GALNT7: variants seen among roughly 807,000 people sequenced by gnomAD.
GALNT7 encodes N-acetylgalactosaminyltransferase 7.
A neutral mutation model predicts 82.1 loss-of-function variants in GALNT7; 60 were observed. That is an observed-to-expected ratio of 0.73 (90% CI 0.59 to 0.91). The LOEUF is 0.91. Among genes scored for constraint, GALNT7 ranks in the 40% least tolerant of loss-of-function variants. GALNT7 has a pLI of 0.00. For missense variants in GALNT7, 660 were observed against 804.2 expected, an observed-to-expected ratio of 0.82 and a Z score of 2.17; for synonymous variants, 243 against 275.1, an observed-to-expected ratio of 0.88 and a Z score of 1.15.
At chr4:173,176,066 C>A (rs959476693) in intron 1 of GALNT7, among the ~76,000 whole-genome samples, 1 of 150,410 alleles carries the variant, frequency 6.6e-6, no homozygotes, top group Admixed American at 6.6e-5. Flanking sequence ...AAACGAGACT[C>A]CATCTCAAAA....
chr4:173,241,946 A>C (rs1316178280), intron 1 of GALNT7, among the ~76,000 whole-genome samples: 2 of 152,302 alleles, frequency 1.3e-5, no homozygotes, highest in East Asian at 3.9e-4. Flanking sequence ...TTGAGATAAA[A>C]ATAAAAGATA....
chr4:173,200,810 T>G (rs1351103186), intron 1 of GALNT7, among the ~76,000 whole-genome samples: 1 of 152,242 alleles, frequency 6.6e-6, no homozygotes, highest in Non-Finnish European at 1.5e-5. Context: ...TATGTGCTGC[T>G]TTTTATTTCA....
chr4:173,275,315 C>T (rs766341450), intron 2 of GALNT7, among the ~76,000 whole-genome samples: 3 of 152,136 alleles, frequency 2.0e-5, no homozygotes, highest in Non-Finnish European at 4.4e-5. Flanking sequence ...GAATTCTAAC[C>T]GTACCGTTAC....
chr4:173,198,981 G>A (rs990611193), intron 1 of GALNT7, among the ~76,000 whole-genome samples: 2 of 152,156 alleles, frequency 1.3e-5, no homozygotes, highest in Admixed American at 6.5e-5. Context: ...AATCTTGGAG[G>A]GTAGAACCTT....
intron 1 of GALNT7, among the ~76,000 whole-genome samples, chr4:173,226,069 C>T (rs541451790): frequency 6.6e-6 from 1 of 152,292 alleles, no homozygotes; most frequent in East Asian, 1.9e-4. Flanking sequence ...CTGGCACTCT[C>T]TGCAGCCAGG....
intron 1 of GALNT7, among the ~76,000 whole-genome samples, chr4:173,223,592 C>G (rs1304630496): frequency 6.6e-6 from 1 of 151,626 alleles, no homozygotes; most frequent in Non-Finnish European, 1.5e-5. Flanking sequence ...GAGACCCCCA[C>G]CCCCCGCAGT....
intron 1 of GALNT7, among the ~76,000 whole-genome samples, chr4:173,204,705 T>C (rs1167663635): frequency 6.6e-6 from 1 of 152,238 alleles, no homozygotes; most frequent in Non-Finnish European, 1.5e-5. Context: ...ATTTTGATCA[T>C]TTATTGTTTT....
intron 7 of GALNT7, among the ~76,000 whole-genome samples, chr4:173,303,190 G>A (rs184842737): frequency 1.8e-3 from 263 of 147,298 alleles, no homozygotes; most frequent in African/African-American, 6.0e-3. Flanking sequence ...GCGAGACTCC[G>A]TCTCAAAAAA....
At chr4:173,226,357 C>T (rs17059221) in intron 1 of GALNT7, among the ~76,000 whole-genome samples, 62,377 of 151,940 alleles carry the variant, frequency 0.41, 14,291 homozygotes, top group East Asian at 0.66. Context: ...TCGGATAAAC[C>T]AAAATATTTT....
chr4:173,247,273 A>G (rs891634324), intron 1 of GALNT7, among the ~76,000 whole-genome samples: 6 of 151,366 alleles, frequency 4.0e-5, no homozygotes, highest in African/African-American at 1.5e-4. Context: ...AAAGAGAGGC[A>G]CCCTTTACTG....
intron 1 of GALNT7, among the ~76,000 whole-genome samples, chr4:173,183,151 A>T (rs1250865278): frequency 6.6e-6 from 1 of 151,980 alleles, no homozygotes; most frequent in African/African-American, 2.4e-5. Context: ...CCGAACCTTT[A>T]ACTCTTGAGC....
At chr4:173,255,846 C>G (rs765885928) in intron 2 of GALNT7, among the ~76,000 whole-genome samples, 8 of 152,180 alleles carry the variant, frequency 5.3e-5, no homozygotes, top group Non-Finnish European at 1.2e-4. Context: ...CGCCCCTTTC[C>G]CTCAGTGGGT....
intron 2 of GALNT7, among the ~76,000 whole-genome samples, chr4:173,250,057 T>A (rs1184184435): frequency 6.6e-6 from 1 of 152,142 alleles, no homozygotes; most frequent in Non-Finnish European, 1.5e-5. Context: ...ACAACCAAAC[T>A]GTGAGAGAGC....
chr4:173,237,195 T>G (rs1025763046), intron 1 of GALNT7, among the ~76,000 whole-genome samples: 4 of 152,206 alleles, frequency 2.6e-5, no homozygotes, highest in African/African-American at 9.7e-5. Context: ...TTTTTTTCCC[T>G]GGGGTGGTTA....
At chr4:173,239,918 CA>C (rs1734365368) in intron 1 of GALNT7, among the ~76,000 whole-genome samples, 1 of 152,058 alleles carries the variant, frequency 6.6e-6, no homozygotes, top group Non-Finnish European at 1.5e-5. Context: ...AAATTTTGTT[CA>C]AAATTGTACT....
chr4:173,258,627 G>C (rs1452520928), intron 2 of GALNT7, among the ~76,000 whole-genome samples: 1 of 152,128 alleles, frequency 6.6e-6, no homozygotes, highest in Non-Finnish European at 1.5e-5. Context: ...ACTATCTCCT[G>C]TGCTTATAAC....
chr4:173,171,016 C>G (rs1731847499), intron 1 of GALNT7, among the ~76,000 whole-genome samples: 1 of 152,156 alleles, frequency 6.6e-6, no homozygotes, highest in African/African-American at 2.4e-5. Context: ...AGTGTAATTT[C>G]TGTCATTTGT....
chr4:173,197,792 A>C (rs960847759), intron 1 of GALNT7, among the ~76,000 whole-genome samples: 3 of 151,980 alleles, frequency 2.0e-5, no homozygotes, highest in African/African-American at 7.2e-5. Flanking sequence ...TGGGAGGAGG[A>C]TGGGCTTTGG....
intron 1 of GALNT7, among the ~76,000 whole-genome samples, chr4:173,233,489 T>G (rs983545207): frequency 6.6e-6 from 1 of 152,220 alleles, no homozygotes. Context: ...TGATTAGTGA[T>G]GTTGAGTATT....
Sources: gnomAD v4.1 joint callset for allele counts (sites outside exome capture counted in the v4.1 genomes callset) on GRCh38, gnomAD v4.1.1 for gene constraint, MANE v1.5 for transcripts, NCBI Gene and HGNC (gene_info 2026-07-23, HGNC 2026-07-21) for gene names.